Variants in FMN1 observed in about 807,000 individuals in gnomAD.
FMN1 encodes formin-1.
Under a neutral mutation model 132.4 loss-of-function variants are expected in FMN1, and 110 were observed. The observed-to-expected ratio is 0.83, with a 90% confidence interval of 0.71 to 0.97. FMN1 has a LOEUF of 0.97. FMN1 is among the 50% of genes least tolerant of loss of function. The probability of loss-of-function intolerance (pLI) is 0.00; values close to 1 mark genes in which losing one functional copy is unlikely to be tolerated. For synonymous variants in FMN1, 722 were observed against 651.7 expected (o/e 1.11, Z -1.64); for missense variants, 1,792 against 1,705.3 (o/e 1.05, Z -0.90).
intron 9 of FMN1, among the ~76,000 whole-genome samples, chr15:32,942,724 C>T (rs2061426455): frequency 6.6e-6 from 1 of 152,150 alleles, no homozygotes; most frequent in Non-Finnish European, 1.5e-5. Context: ...TACTCAGTTC[C>T]AGTCACAGGG....
At chr15:32,947,754 C>CCCTCTAATGG (rs1333123074) in intron 9 of FMN1, among the ~76,000 whole-genome samples, 1 of 151,966 alleles carries the variant, frequency 6.6e-6, no homozygotes. Flanking sequence ...TATTTTATGT[C>CCCTCTAATGG]CCTCTAATGG....
At chr15:33,050,773 G>A (rs1331504826) in intron 6 of FMN1, among the ~76,000 whole-genome samples, 7 of 152,192 alleles carry the variant, frequency 4.6e-5, no homozygotes, top group Non-Finnish European at 7.3e-5. Context: ...TTTAATGACA[G>A]CATTATTTGC....
intron 7 of FMN1, among the ~76,000 whole-genome samples, chr15:33,004,704 T>C (rs2034314706): frequency 6.6e-6 from 1 of 152,236 alleles, no homozygotes; most frequent in South Asian, 2.1e-4. Context: ...ACCCAAAGGA[T>C]TATAAATCAT....
At position 32,886,369 on chromosome 15, in the gene FMN1, C is replaced by T. The variant is rs915297082; in HGVS notation, c.3835+1803G>A. Among the ~76,000 whole-genome samples the T allele has an allele frequency of 3.3e-5, 5 of 152,126 alleles. No individual in the cohort carries two copies. In the South Asian group the frequency reaches 1.0e-3, roughly 32 times the overall value. On this transcript the variant is annotated intron_variant, in intron 16 of 20. Transcript: ENST00000616417. ...CAATGTTCAGTTTTCTTTCCTAAGG[C>T]CGCTCTACCTGCTTCAAAAGCTCTT...
At chr15:33,021,444 C>A (rs1049040369) in intron 6 of FMN1, among the ~76,000 whole-genome samples, 1 of 151,966 alleles carries the variant, frequency 6.6e-6, no homozygotes, top group South Asian at 2.1e-4. Context: ...TCTCTCTATG[C>A]ATACACACAC....
chr15:32,903,272 G>T (rs2060340696), intron 12 of FMN1, among the ~76,000 whole-genome samples: 1 of 152,186 alleles, frequency 6.6e-6, no homozygotes, highest in Non-Finnish European at 1.5e-5. Flanking sequence ...ATTATCTGAT[G>T]AAGTATAAAA....
chr15:33,173,614 AATTGG>A (rs2140325877), intron 3 of FMN1, among the ~76,000 whole-genome samples: 1 of 152,360 alleles, frequency 6.6e-6, no homozygotes, highest in East Asian at 1.9e-4. Flanking sequence ...TGATTGGTCC[AATTGG>A]TGAGCACAAA....
rs2056148257 is a variant in FMN1, at chr15:32,769,260, T to C, written c.*5050A>G. The C allele has an allele frequency of 6.6e-6, 1 of 152,268 alleles. No individual in the cohort carries two copies. The highest frequency in any genetic ancestry group is 2.4e-5 in the African/African-American group (1 of 41,478). The allele number at this position is 152,268 out of a possible 1,614,324, so 9.4% of individuals were successfully genotyped here. On this transcript the variant is annotated 3_prime_UTR_variant, in exon 21 of 21. Transcript: ENST00000616417. ...TTAAGAGTCTTGGAACAAATAAGGA[T>C]ACTGAATTGGCTTCAAATTTGACAT... is the stretch of plus-strand genomic sequence containing the variant.
chr15:32,931,157 G>A (rs948250703), intron 9 of FMN1, among the ~76,000 whole-genome samples: 1 of 152,090 alleles, frequency 6.6e-6, no homozygotes, highest in Non-Finnish European at 1.5e-5. Context: ...TTCTCATGGT[G>A]GTTTTGGCTA....
chr15:33,149,793 A>C, intron 4 of FMN1: 1 of 984,802 alleles, frequency 1.0e-6, no homozygotes, highest in Non-Finnish European at 1.2e-6. Flanking sequence ...GCTTCTTTAC[A>C]ATTTTATTGG....
In FMN1 at chr15:32,902,041, C is replaced by A; in HGVS notation, c.3378-1G>T. On this transcript the variant is annotated splice_acceptor_variant, in intron 12 of 20. Transcript: ENST00000616417. LOFTEE classifies it high-confidence loss of function. ...AATCTGGGCTAACTCATGTAAAAAT[C>A]TGTAAAAAAGAAAATGTGTCATCTA... 1 of 1,603,252 alleles carries A rather than the reference C, an allele frequency of 6.2e-7. No individual in the cohort carries two copies. The highest frequency in any genetic ancestry group is 8.5e-7 in the Non-Finnish European group (1 of 1,176,620).
intron 6 of FMN1, among the ~76,000 whole-genome samples, chr15:33,023,986 G>A (rs1351924544): frequency 6.6e-6 from 1 of 152,048 alleles, no homozygotes; most frequent in Non-Finnish European, 1.5e-5. Context: ...CACATAAATG[G>A]AGAAGACATT....
intron 6 of FMN1, chr15:33,063,808 T>C (rs1377893907): frequency 6.6e-6 from 1 of 152,248 alleles, no homozygotes; most frequent in African/African-American, 2.4e-5. Flanking sequence ...TGTGTCTGAA[T>C]TGCTCTGCTC....
intron 19 of FMN1, among the ~76,000 whole-genome samples, chr15:32,795,164 C>A (rs910171491): frequency 6.6e-6 from 1 of 152,202 alleles, no homozygotes; most frequent in African/African-American, 2.4e-5. Context: ...TGCGTCATGG[C>A]ACTCTAGCCT....
At chr15:33,060,781 G>GAA (rs1044296034) in intron 6 of FMN1, among the ~76,000 whole-genome samples, 1 of 152,190 alleles carries the variant, frequency 6.6e-6, no homozygotes, top group Admixed American at 6.5e-5. Context: ...ATTCAACTCA[G>GAA]AAAGCACGAG....
chr15:33,007,021 ATACTT>A lies in FMN1; in HGVS notation c.2223+988_2223+992del, dbSNP rs561484333. Among the ~76,000 whole-genome samples, 3 of 152,284 alleles carry A rather than the reference ATACTT, an allele frequency of 2.0e-5. No homozygotes were observed. The East Asian group carries it at 5.8e-4, about 29-fold the overall frequency. On this transcript the variant is annotated intron_variant, in intron 7 of 20. Transcript: ENST00000616417. ...CTATAGTTCATAACCATGTTATTGT[ATACTT>A]TAAAATTTCTAAAAGAGCAGAGTTT...
chr15:32,928,952 T>C (rs1202268016), intron 9 of FMN1, among the ~76,000 whole-genome samples: 1 of 152,198 alleles, frequency 6.6e-6, no homozygotes, highest in Non-Finnish European at 1.5e-5. Context: ...ATTCTGTCTG[T>C]CCCTGAGTAA....
chr15:33,002,232 T>G (rs913968319), intron 7 of FMN1, among the ~76,000 whole-genome samples: 3 of 152,228 alleles, frequency 2.0e-5, no homozygotes, highest in Non-Finnish European at 2.9e-5. Flanking sequence ...TAGAAAGGCA[T>G]GTTGAAGAAG....
chr15:32,839,286 C>T (rs948046326), intron 17 of FMN1, among the ~76,000 whole-genome samples: 4 of 152,110 alleles, frequency 2.6e-5, no homozygotes, highest in Non-Finnish European at 5.9e-5. Context: ...GAACCATTCA[C>T]GTAAAAGTCT....
Sources: gnomAD v4.1 joint callset for allele counts (sites outside exome capture counted in the v4.1 genomes callset) on GRCh38, gnomAD v4.1.1 for gene constraint, MANE v1.5 for transcripts, NCBI Gene and HGNC (gene_info 2026-07-23, HGNC 2026-07-21) for gene names.